The following SYT10 variants were observed in gnomAD, a reference collection of about 807,000 sequenced individuals.
SYT10 encodes the protein synaptotagmin-10.
In SYT10, 31 loss-of-function variants were observed where a neutral mutation model predicts 51.1. That is an observed-to-expected ratio of 0.61 (90% CI 0.46 to 0.82). The LOEUF (loss-of-function observed/expected upper bound fraction) is 0.82. Ranked by LOEUF, SYT10 falls within the 40% of genes least tolerant of loss-of-function variation. The probability of loss-of-function intolerance (pLI) is 0.00; values close to 1 mark genes in which losing one functional copy is unlikely to be tolerated. For synonymous variants in SYT10, 233 were observed against 225.9 expected (o/e 1.03, Z -0.28); for missense variants, 603 against 634.0 (o/e 0.95, Z 0.53).
chr12:33,405,752 T>TA (rs1234526447), intron 3 of SYT10: 3 of 151,390 alleles, frequency 2.0e-5, no homozygotes, highest in Non-Finnish European at 4.4e-5. Context: ...AACCTGATGG[T>TA]AAAAAATTAA....
rs1376018677 is a variant in SYT10 at position 33,407,474 on chromosome 12, CATAG to C, written c.510-122_510-119del. On this transcript the variant is annotated intron_variant, in intron 2 of 6. Transcript: ENST00000228567. Reference sequence around the variant, plus strand: ...AATAGTGAAAAGATATCTATATCTACATAGATAGACACATACATATAATCAAAGA... The same window carrying C: ...AATAGTGAAAAGATATCTATATCTACATAGACACATACATATAATCAAAGA... 90 of 956,896 alleles carry C rather than the reference CATAG, an allele frequency of 9.4e-5. No individual in the cohort carries two copies. In the East Asian group the frequency reaches 1.7e-3, roughly 18 times the overall value. 59.3% of individuals were successfully genotyped at this position (956,896 alleles called of 1,614,324 possible).
At chr12:33,420,144 C>T (rs1866489526) in intron 2 of SYT10, among the ~76,000 whole-genome samples, 1 of 152,200 alleles carries the variant, frequency 6.6e-6, no homozygotes, top group Admixed American at 6.5e-5. Context: ...TGTGTCTCCA[C>T]ATCTCCTCGA....
intron 3 of SYT10, among the ~76,000 whole-genome samples, chr12:33,401,398 T>C (rs1231834661): frequency 6.6e-6 from 1 of 152,176 alleles, no homozygotes; most frequent in African/African-American, 2.4e-5. Flanking sequence ...TTGTGATATA[T>C]AGTAGGGTGA....
In SYT10 at chr12:33,439,743, T is replaced by C. The variant is rs578192636; in HGVS notation, c.-221A>G. The C allele has an allele frequency of 7.2e-6, 4 of 558,270 alleles. No individual in the cohort carries two copies. The Admixed American group carries it at 1.5e-4, about 20-fold the overall frequency. 34.6% of individuals were successfully genotyped at this position (558,270 alleles called of 1,614,324 possible). ...GAGAGGCGCGCGAGGAGGCTGCGGC[T>C]GCCGCGAGGTTTGCGCCAACTCTCC... On this transcript the variant is annotated 5_prime_UTR_variant, in exon 1 of 7. Transcript: ENST00000228567.
chr12:33,376,813 G>A lies in SYT10; in HGVS notation c.*17C>T, dbSNP rs769478829. On this transcript the variant is annotated 3_prime_UTR_variant, in exon 7 of 7. Transcript: ENST00000228567. ...GTGATCCTAGATGCTTAATATCATGGTCTCATTTTGGAGGCATTATGGTGT... is the reference window on the plus strand; with the variant it reads ...GTGATCCTAGATGCTTAATATCATGATCTCATTTTGGAGGCATTATGGTGT... The A allele has an allele frequency of 6.2e-7, 1 of 1,613,670 alleles. No individual in the cohort carries two copies. Among genetic ancestry groups the A allele is most frequent in the Admixed American group, 1.7e-5 (1 of 60,006 alleles).
At chr12:33,420,356 C>T (rs1369268206) in intron 2 of SYT10, among the ~76,000 whole-genome samples, 2 of 152,036 alleles carry the variant, frequency 1.3e-5, no homozygotes, top group Non-Finnish European at 2.9e-5. Flanking sequence ...ATTCCTGTGA[C>T]TAATAAAATC....
At chr12:33,399,462 ATTG>A (rs1202243798) in intron 3 of SYT10, among the ~76,000 whole-genome samples, 2 of 152,200 alleles carry the variant, frequency 1.3e-5, no homozygotes, top group African/African-American at 4.8e-5. Flanking sequence ...TAATATAATA[ATTG>A]TTGTGGGCTA....
intron 2 of SYT10, among the ~76,000 whole-genome samples, 191 bp downstream of exon 2, chr12:33,425,947 C>T (rs1221562022): frequency 1.3e-5 from 2 of 151,858 alleles, no homozygotes; most frequent in African/African-American, 2.4e-5. Context: ...TCTCTCTGCC[C>T]CTATGTACTC....
intron 1 of SYT10, among the ~76,000 whole-genome samples, chr12:33,427,276 T>C (rs933110493): frequency 1.1e-4 from 16 of 152,062 alleles, no homozygotes; most frequent in African/African-American, 3.4e-4. Flanking sequence ...CCTTCTACCA[T>C]GTGAGGGCAT....
chr12:33,389,066 T>G (rs1866181930), intron 3 of SYT10, among the ~76,000 whole-genome samples: 1 of 152,194 alleles, frequency 6.6e-6, no homozygotes, highest in Non-Finnish European at 1.5e-5. Context: ...CAGATGGGAC[T>G]TCACAGGGTG....
rs749660933 is a variant in SYT10, at chr12:33,407,073, C to T, written c.793G>A (p.Gly265Arg). The stretch of plus-strand genomic sequence containing the variant: ...ATCTTCACATAAGGGTCAGAAGTTC[C>T]TGTGAAGTCTTTAGCAGGGAGATCT... ...ALDLPAKDFT[G>R]TSDPYVKMYL... The change falls in exon 3 of 7, where the codon GGA becomes AGA. Residue 265 changes from glycine to arginine, a missense_variant. Coordinates refer to ENST00000228567, the MANE Select transcript of SYT10 (RefSeq NM_198992.4). The T allele has an allele frequency of 6.2e-7, 1 of 1,614,044 alleles. No homozygotes were observed. Among genetic ancestry groups the T allele is most frequent in the South Asian group, 1.1e-5 (1 of 91,058 alleles).
chr12:33,409,228 T>A (rs1325750031), intron 2 of SYT10, among the ~76,000 whole-genome samples: 1 of 152,164 alleles, frequency 6.6e-6, no homozygotes, highest in African/African-American at 2.4e-5. Context: ...TCGATTTCTT[T>A]TTTTTCGAAA....
At chr12:33,398,462 G>A (rs1247466649) in intron 3 of SYT10, among the ~76,000 whole-genome samples, 6 of 152,034 alleles carry the variant, frequency 3.9e-5, no homozygotes, top group Non-Finnish European at 7.4e-5. Context: ...GCAACGAGCC[G>A]AGATCATGCC....
At chr12:33,416,614 C>G (rs1866456138) in intron 2 of SYT10, among the ~76,000 whole-genome samples, 2 of 152,166 alleles carry the variant, frequency 1.3e-5, no homozygotes, top group Admixed American at 1.3e-4. Context: ...CAATGAACTC[C>G]TCTCTTCCAA....
chr12:33,438,124 T>C (rs1204088326), intron 1 of SYT10, among the ~76,000 whole-genome samples: 7 of 152,094 alleles, frequency 4.6e-5, no homozygotes, highest in Admixed American at 4.6e-4. Flanking sequence ...CGCTTGGCTT[T>C]GACGCAGGGG....
chr12:33,376,637 T>C lies in SYT10; in HGVS notation c.*193A>G. On this transcript the variant is annotated 3_prime_UTR_variant, in exon 7 of 7. Transcript: ENST00000228567. ...AAATGCCTTATGCAACTAAGGACTA[T>C]ATGTATTCAAGTAAAATGTATTGAT... 2 of 614,882 alleles carry C rather than the reference T, an allele frequency of 3.3e-6. No individual in the cohort carries two copies. The highest frequency in any genetic ancestry group is 5.6e-6 in the Non-Finnish European group (2 of 354,504). 38.1% of individuals were successfully genotyped at this position (614,882 alleles called of 1,614,324 possible).
At chr12:33,439,238 G>C (rs1158711803) in intron 1 of SYT10, 134 bp downstream of exon 1, 20 of 1,169,116 alleles carry the variant, frequency 1.7e-5, no homozygotes, top group Non-Finnish European at 2.4e-5. Flanking sequence ...GCGAAGGAAG[G>C]AGCGAGGTAG....
At chr12:33,377,532 T>C (rs550763219) in intron 6 of SYT10, among the ~76,000 whole-genome samples, 36 of 152,214 alleles carry the variant, frequency 2.4e-4, no homozygotes, top group African/African-American at 8.4e-4. Context: ...AGATACTTTC[T>C]CACAATCCTT....
chr12:33,376,957 T>C (rs1591978658), intron 6 of SYT10, 56 bp from the exon 7 acceptor site: 1 of 1,563,876 alleles, frequency 6.4e-7, no homozygotes, highest in Non-Finnish European at 8.8e-7. Context: ...AACACAGTGG[T>C]TAGTTGTTGC....
Sources: gnomAD v4.1 joint callset for allele counts (sites outside exome capture counted in the v4.1 genomes callset) on GRCh38, gnomAD v4.1.1 for gene constraint, MANE v1.5 for transcripts, NCBI Gene and HGNC (gene_info 2026-07-23, HGNC 2026-07-21) for gene names.